CHD6: variants seen among roughly 807,000 people sequenced by gnomAD.
CHD6 encodes the protein chromodomain helicase DNA binding protein 6.
Under a neutral mutation model 276.9 loss-of-function variants are expected in CHD6, and 50 were observed. The observed-to-expected ratio is 0.18, with a 90% CI of 0.14 to 0.23. CHD6 has a LOEUF of 0.23. Ranked by LOEUF, CHD6 falls within the 10% of genes least tolerant of loss-of-function variation. CHD6 has a pLI of 1.00. For synonymous variants in CHD6, 1,173 were observed against 1,229.3 expected (o/e 0.95, Z 0.96); for missense variants, 2,564 against 3,365.8 (o/e 0.76, Z 5.89).
chr20:41,497,583 C>A, intron 7 of CHD6, 82 bp from the exon 8 acceptor site: 6 of 891,142 alleles, frequency 6.7e-6, no homozygotes, highest in South Asian at 3.9e-5. Context: ...AACACGGTGA[C>A]CACCTAACAC....
At chr20:41,566,524 G>A (rs901008907) in intron 1 of CHD6, among the ~76,000 whole-genome samples, 5 of 152,132 alleles carry the variant, frequency 3.3e-5, no homozygotes, top group African/African-American at 1.2e-4. Flanking sequence ...TGCTCCTGTG[G>A]ATAAGGTCCC....
chr20:41,504,375 T>TCA (rs2043921983), intron 5 of CHD6, among the ~76,000 whole-genome samples: 1 of 150,890 alleles, frequency 6.6e-6, no homozygotes, highest in African/African-American at 2.4e-5. Flanking sequence ...ATTTTAAAAT[T>TCA]CATCTTGTCC....
chr20:41,439,959 C>T, intron 26 of CHD6, 41 bp downstream of exon 26: 1 of 1,607,460 alleles, frequency 6.2e-7, no homozygotes, highest in Non-Finnish European at 8.5e-7. Flanking sequence ...AGATCAGTGG[C>T]ATGGCATGTC....
intron 16 of CHD6, among the ~76,000 whole-genome samples, chr20:41,481,819 A>C (rs1411298828): frequency 6.6e-6 from 1 of 151,932 alleles, no homozygotes; most frequent in Non-Finnish European, 1.5e-5. Context: ...GTTGTAGAAA[A>C]ATAAAGAAAA....
In CHD6 at chr20:41,551,369, C is replaced by T; in HGVS notation, c.-23-9G>A. 7.8e-7 allele frequency: 1 copy of T among 1,287,620 alleles called. No homozygotes were observed. Among genetic ancestry groups the T allele is most frequent in the South Asian group, 1.2e-5 (1 of 81,334 alleles). 79.8% of individuals were successfully genotyped at this position (1,287,620 alleles called of 1,614,324 possible). On this transcript the variant is annotated splice_polypyrimidine_tract_variant and intron_variant, in intron 1 of 36. Transcript: ENST00000373233. ...AAGGAAGATATTTATTTCTGTAAAA[C>T]ATTTTTAAAAAGGCAAAGATTATGA...
At chr20:41,526,031 T>A (rs1285993708) in intron 3 of CHD6, among the ~76,000 whole-genome samples, 1 of 152,162 alleles carries the variant, frequency 6.6e-6, no homozygotes, top group Non-Finnish European at 1.5e-5. Flanking sequence ...GCAATAAAAA[T>A]ATACTGGATA....
At position 41,533,119 on chromosome 20, in the gene CHD6, C is replaced by T; in HGVS notation, c.485G>A (p.Gly162Asp). The part of the protein sequence containing the change: ...KKARKPREAS[G>D]TKEAKEKRSC... ...CCTCTTCTCTTTGGCCTCCTTGGTGCCCGAGGCCTCCCGGGGCTTCCGTGC... is the reference window on the plus strand; with the variant it reads ...CCTCTTCTCTTTGGCCTCCTTGGTGTCCGAGGCCTCCCGGGGCTTCCGTGC... The change falls in exon 3 of 37, where the codon GGC becomes GAC. Residue 162 changes from glycine to aspartate, a missense_variant. Physicochemically the swap from Gly to Asp is moderately conservative, Grantham distance 94. Transcript: ENST00000373233. 1.2e-6 allele frequency: 2 copies of T among 1,614,094 alleles called. No individual in the cohort carries two copies. The highest frequency in any genetic ancestry group is 1.7e-6 in the Non-Finnish European group (2 of 1,179,990).
chr20:41,473,221 A>G lies in CHD6; in HGVS notation c.2664+101T>C, dbSNP rs1413990839. 1 of 1,106,822 alleles carries G rather than the reference A, an allele frequency of 9.0e-7. No homozygotes were observed. The highest frequency in any genetic ancestry group is 1.3e-6 in the Non-Finnish European group (1 of 764,628). The allele number at this position is 1,106,822 out of a possible 1,614,324, so 68.6% of individuals were successfully genotyped here. ...AAGCCTGTCATCCAGCTGACACCAT[A>G]GCATAGAGCATCACGGATGCTCTGT... On this transcript the variant is annotated intron_variant, in intron 17 of 36. Coordinates refer to ENST00000373233, the MANE Select transcript of CHD6 (RefSeq NM_032221.5). This position sits in a 1 kb window ranked among gnomAD's most constrained non-coding sequence, Gnocchi z 4.1.
Position 41,454,510 on chromosome 20 carries a change from A to G in CHD6, c.3120+116T>C, listed in dbSNP as rs1460488688. On this transcript the variant is annotated intron_variant, in intron 20 of 36. Coordinates refer to ENST00000373233, the MANE Select transcript of CHD6 (RefSeq NM_032221.5). The stretch of plus-strand genomic sequence containing the variant: ...CCAGGCATATTTTAAGCATGGTACA[A>G]ATACCATTTAAGAACCAAGACTCAA... 7.9e-6 allele frequency: 6 copies of G among 755,252 alleles called. No individual in the cohort carries two copies. The East Asian group carries it at 1.5e-4, about 19-fold the overall frequency. 46.8% of individuals were successfully genotyped at this position (755,252 alleles called of 1,614,324 possible). A position where few individuals can be genotyped will look rare whatever the true frequency, so the allele number is the denominator to read the frequency against.
intron 17 of CHD6, among the ~76,000 whole-genome samples, chr20:41,469,084 G>A (rs527821610): frequency 1.6e-4 from 25 of 152,254 alleles, no homozygotes; most frequent in African/African-American, 5.5e-4. Context: ...TCTTCCCCTC[G>A]GAGCAGTGTG....
chr20:41,435,128 A>T (rs777097470), intron 27 of CHD6, among the ~76,000 whole-genome samples: 5 of 152,204 alleles, frequency 3.3e-5, no homozygotes, highest in Admixed American at 6.5e-5. Context: ...TAATTCATGG[A>T]AAGTCTCAAG....
rs1221885526 is a variant in CHD6 at position 41,555,238 on chromosome 20, A to ACC, written c.-23-3880_-23-3879dup. On this transcript the variant is annotated intron_variant, in intron 1 of 36. Coordinates refer to ENST00000373233, the MANE Select transcript of CHD6 (RefSeq NM_032221.5). Reference sequence around the variant, plus strand: ...GGGCGGCTGGCCGGGTGGGGGGCTGACCCCCCCACCTCCCTCCTGGACGGG... The same window carrying ACC: ...GGGCGGCTGGCCGGGTGGGGGGCTGACCCCCCCCCACCTCCCTCCTGGACGGG... Among the ~76,000 whole-genome samples the ACC allele has an allele frequency of 3.3e-5, 4 of 120,192 alleles. No individual in the cohort carries two copies. The Admixed American group carries it at 3.4e-4, about 10-fold the overall frequency. The allele number at this position is 120,192 out of a possible 152,430, so 78.9% of individuals were successfully genotyped here. A position where few individuals can be genotyped will look rare whatever the true frequency, so the allele number is the denominator to read the frequency against.
At chr20:41,446,235 C>T (rs1237592971) in intron 24 of CHD6, among the ~76,000 whole-genome samples, 1 of 152,140 alleles carries the variant, frequency 6.6e-6, no homozygotes, top group Non-Finnish European at 1.5e-5. Flanking sequence ...AGATCTTACG[C>T]ACCATTTAAG....
Position 41,498,803 on chromosome 20 carries a change from A to ATGTGTG in CHD6, c.915+491_915+492insCACACA, listed in dbSNP as rs1270775232. The stretch of plus-strand genomic sequence containing the variant: ...TGTGTATGTATGTATGTATGTATGT[A>ATGTGTG]TGTATGTATGTGTGTGTGTGTGTGT... On this transcript the variant is annotated intron_variant, in intron 6 of 36. Coordinates refer to ENST00000373233, the MANE Select transcript of CHD6 (RefSeq NM_032221.5). Among the ~76,000 whole-genome samples, 7 of 95,982 alleles carry ATGTGTG rather than the reference A, an allele frequency of 7.3e-5. 1 individual carries two copies. Among genetic ancestry groups the ATGTGTG allele is most frequent in the Admixed American group, 4.0e-4 (4 of 10,100 alleles). The allele number at this position is 95,982 out of a possible 152,430, so 63.0% of individuals were successfully genotyped here.
intron 2 of CHD6, among the ~76,000 whole-genome samples, chr20:41,538,607 T>G (rs990340073): frequency 6.6e-6 from 1 of 152,212 alleles, no homozygotes; most frequent in Non-Finnish European, 1.5e-5. Context: ...AAATTGCACA[T>G]TTTTAAAGGG....
rs1278012555 is a variant in CHD6 at position 41,403,770 on chromosome 20, A to G, written c.*823T>C. The stretch of plus-strand genomic sequence containing the variant: ...GAAATCTGTAAGCGAACCAGGTGAG[A>G]GCAGAGCGCTAGCCGTGTGCTTGTG... On this transcript the variant is annotated 3_prime_UTR_variant, in exon 37 of 37. Transcript: ENST00000373233. The G allele has an allele frequency of 4.7e-6, 5 of 1,058,302 alleles. No homozygotes were observed. The highest frequency in any genetic ancestry group is 4.6e-6 in the Non-Finnish European group (4 of 875,012). The allele number at this position is 1,058,302 out of a possible 1,614,324, so 65.6% of individuals were successfully genotyped here.
At chr20:41,446,806 A>G (rs957673902) in intron 24 of CHD6, among the ~76,000 whole-genome samples, 1 of 152,166 alleles carries the variant, frequency 6.6e-6, no homozygotes, top group African/African-American at 2.4e-5. Context: ...GAGCAGCAGT[A>G]AGAGACAGAG....
chr20:41,520,344 T>A (rs1182919456), intron 3 of CHD6, among the ~76,000 whole-genome samples: 3 of 152,174 alleles, frequency 2.0e-5, no homozygotes, highest in Non-Finnish European at 4.4e-5. Context: ...GGATTATAAA[T>A]CATGCTGCTA....
chr20:41,597,724 C>CTT (rs370309960), intron 1 of CHD6, among the ~76,000 whole-genome samples: 2 of 149,426 alleles, frequency 1.3e-5, no homozygotes, highest in Non-Finnish European at 3.0e-5. Context: ...TCTGTCTATC[C>CTT]TTTTTTTTTT....
Sources: gnomAD v4.1 joint callset for allele counts (sites outside exome capture counted in the v4.1 genomes callset) on GRCh38, gnomAD v4.1.1 for gene constraint, Gnocchi (gnomAD v3.1) non-coding constraint, MANE v1.5 for transcripts, NCBI Gene and HGNC (gene_info 2026-07-23, HGNC 2026-07-21) for gene names.